TMEM87A: variants seen among roughly 807,000 people sequenced by gnomAD.
TMEM87A encodes the protein Golgi-pH regulating cation channel.
Under a neutral mutation model 90.0 loss-of-function variants are expected in TMEM87A, and 50 were observed. The observed-to-expected ratio is 0.56, with a 90% CI of 0.44 to 0.70. TMEM87A has a LOEUF of 0.70. Ranked by LOEUF, TMEM87A falls within the 30% of genes least tolerant of loss-of-function variation. The pLI is 0.00. For missense variants in TMEM87A, 577 were observed against 660.5 expected (o/e 0.87, Z 1.39); for synonymous variants, 226 against 226.7 (o/e 1.00, Z 0.03).
At chr15:42,258,671 C>A in intron 6 of TMEM87A, 1 of 1,117,216 alleles carries the variant, frequency 9.0e-7, no homozygotes, top group Non-Finnish European at 1.1e-6. Context: ...AAGTCATCTG[C>A]CCACCTTGGC....
chr15:42,264,768 T>C (rs1304700100), intron 3 of TMEM87A, among the ~76,000 whole-genome samples: 1 of 150,816 alleles, frequency 6.6e-6, no homozygotes, highest in Non-Finnish European at 1.5e-5. Flanking sequence ...TAAACTGAAC[T>C]CACAGGGAAC....
At chr15:42,221,791 T>C (rs8023923) in intron 15 of TMEM87A, among the ~76,000 whole-genome samples, 142,741 of 152,226 alleles carry the variant, frequency 0.94, 67,389 homozygotes, top group Non-Finnish European at 1. Flanking sequence ...TGCTCTGTTG[T>C]CCAGGCTGCA....
intron 2 of TMEM87A, among the ~76,000 whole-genome samples, chr15:42,269,106 C>G (rs112598097): frequency 0.06 from 9,138 of 151,972 alleles, 388 homozygotes; most frequent in South Asian, 0.16. Flanking sequence ...GTTTGGAACA[C>G]AGTATTCTAA....
intron 6 of TMEM87A, among the ~76,000 whole-genome samples, chr15:42,256,818 A>G (rs971839557): frequency 2.6e-5 from 4 of 152,302 alleles, no homozygotes; most frequent in Admixed American, 1.3e-4. Context: ...CCCAGACTCA[A>G]GCCATCCTCC....
chr15:42,250,287 G>A (rs530172885), intron 6 of TMEM87A, among the ~76,000 whole-genome samples: 1 of 152,306 alleles, frequency 6.6e-6, no homozygotes. Flanking sequence ...ATATTGTTAT[G>A]TGTGAATTTG....
Position 42,231,972 on chromosome 15 carries a change from A to T in TMEM87A, c.1063-712T>A. 3 of 979,390 alleles carry T rather than the reference A, an allele frequency of 3.1e-6. No individual in the cohort carries two copies. In the South Asian group the frequency reaches 4.6e-5, roughly 15 times the overall value. 60.7% of individuals were successfully genotyped at this position (979,390 alleles called of 1,614,324 possible). On this transcript the variant is annotated intron_variant, in intron 11 of 19. Coordinates refer to ENST00000389834, the MANE Select transcript of TMEM87A (RefSeq NM_015497.5). The stretch of plus-strand genomic sequence containing the variant: ...TTGACAGAGGGTTAAAGTTGCTAGA[A>T]GTCTAAGAGAATTACATACAGAGGA...
At chr15:42,260,612 C>T (rs1485513050) in intron 6 of TMEM87A, among the ~76,000 whole-genome samples, 1 of 152,140 alleles carries the variant, frequency 6.6e-6, no homozygotes, top group African/African-American at 2.4e-5. Context: ...GACCTTATTT[C>T]AATTTTTCCA....
intron 7 of TMEM87A, among the ~76,000 whole-genome samples, chr15:42,242,585 A>G (rs1276219301): frequency 1.3e-5 from 2 of 152,028 alleles, no homozygotes; most frequent in Non-Finnish European, 2.9e-5. Flanking sequence ...AGAGAGACAG[A>G]CAGACAGAGA....
intron 2 of TMEM87A, among the ~76,000 whole-genome samples, chr15:42,270,318 C>T (rs886079470): frequency 5.3e-5 from 8 of 151,922 alleles, no homozygotes; most frequent in African/African-American, 1.9e-4. Context: ...TACAGTGAGC[C>T]GAGATCGTGC....
At chr15:42,234,589 A>G (rs1199951413) in intron 10 of TMEM87A, among the ~76,000 whole-genome samples, 1 of 152,250 alleles carries the variant, frequency 6.6e-6, no homozygotes, top group East Asian at 1.9e-4. Context: ...TTGAATAAAC[A>G]AACTTAAAAC....
At chr15:42,272,546 TTTCC>T (rs2051558763) in intron 1 of TMEM87A, 1 of 199,638 alleles carries the variant, frequency 5.0e-6, no homozygotes, top group Admixed American at 5.4e-5. Context: ...CTTTTCAGCA[TTTCC>T]TCCCTGCATC....
At chr15:42,237,402 C>G in intron 9 of TMEM87A, 30 bp downstream of exon 9, 1 of 1,608,372 alleles carries the variant, frequency 6.2e-7, no homozygotes, top group Non-Finnish European at 8.5e-7. Context: ...TCCAACCACT[C>G]GAACTGGCAA....
intron 10 of TMEM87A, among the ~76,000 whole-genome samples, chr15:42,235,657 G>C (rs534595059): frequency 3.9e-5 from 6 of 152,032 alleles, no homozygotes; most frequent in African/African-American, 1.5e-4. Flanking sequence ...CTCTTCCCTT[G>C]GGTATACATA....
intron 6 of TMEM87A, among the ~76,000 whole-genome samples, chr15:42,253,445 C>T (rs2051121417): frequency 6.6e-6 from 1 of 152,132 alleles, no homozygotes; most frequent in East Asian, 1.9e-4. Context: ...CATTCAAATG[C>T]TTTTGGCAAA....
At position 42,226,794 on chromosome 15, in the gene TMEM87A, G is replaced by A. The variant is rs2050603222; in HGVS notation, c.1403+12C>T. On this transcript the variant is annotated intron_variant, in intron 15 of 19. Transcript: ENST00000389834. Reference sequence around the variant, plus strand: ...TCTCATGTTAGCAGAGTAAACAGAAGAGTCCAAGAACCTCTGGTTGTTTGC... The same window carrying A: ...TCTCATGTTAGCAGAGTAAACAGAAAAGTCCAAGAACCTCTGGTTGTTTGC... 5 of 1,610,648 alleles carry A rather than the reference G, an allele frequency of 3.1e-6. No homozygotes were observed. The Admixed American group carries it at 8.3e-5, about 27-fold the overall frequency.
intron 7 of TMEM87A, among the ~76,000 whole-genome samples, chr15:42,243,546 G>A (rs1431896808): frequency 2.3e-5 from 3 of 129,366 alleles, no homozygotes; most frequent in South Asian, 2.5e-4. Flanking sequence ...GAACAAGAAC[G>A]AAAGTTCTTG....
At chr15:42,259,723 G>A (rs2051253260) in intron 6 of TMEM87A, among the ~76,000 whole-genome samples, 1 of 152,122 alleles carries the variant, frequency 6.6e-6, no homozygotes, top group South Asian at 2.1e-4. Context: ...GTGCACACAT[G>A]CCCAGGGCTG....
intron 18 of TMEM87A, 156 bp from the exon 19 acceptor site, chr15:42,217,989 T>A (rs1221138728): frequency 1.4e-6 from 1 of 696,446 alleles, no homozygotes; most frequent in Non-Finnish European, 2.4e-6. Context: ...GCAAATACAA[T>A]AAGCAACAGT....
intron 3 of TMEM87A, among the ~76,000 whole-genome samples, chr15:42,265,137 C>T (rs12594162): frequency 0.72 from 109,716 of 152,054 alleles, 42,393 homozygotes; most frequent in Non-Finnish European, 0.87. Context: ...GATTCCATGT[C>T]TTTGCTATTG....
Sources: allele counts gnomAD v4.1 joint callset (sites outside exome capture counted in the v4.1 genomes callset), GRCh38; gene constraint gnomAD v4.1.1; transcripts MANE v1.5; gene names NCBI Gene and HGNC (gene_info 2026-07-23, HGNC 2026-07-21).